The following GOLGA4 variants were observed in gnomAD, a reference collection of about 807,000 sequenced individuals.
GOLGA4 encodes the protein golgin A4, also known as golgin subfamily A member 4.
Under a neutral mutation model 265.9 loss-of-function variants are expected in GOLGA4, and 169 were observed. The observed-to-expected ratio is 0.64, with a 90% CI of 0.56 to 0.72. The LOEUF is 0.72. GOLGA4 is among the 30% of genes least tolerant of loss of function. GOLGA4 has a pLI of 0.00. For synonymous variants in GOLGA4, 923 were observed against 855.8 expected (o/e 1.08, Z -1.37); for missense variants, 2,482 against 2,483.4 (o/e 1.00, Z 0.01).
In GOLGA4 at chr3:37,324,079, T is replaced by C. The variant is rs2096962818; in HGVS notation, c.2193T>C (p.His731=). 2 of 1,614,046 alleles carry C rather than the reference T, an allele frequency of 1.2e-6. No homozygotes were observed. The highest frequency in any genetic ancestry group is 1.1e-5 in the South Asian group (1 of 91,080). ...LEAKMDEQKN[H]HQQQVDSIIK... Reference sequence around the variant, plus strand: ...CCAAGATGGATGAACAGAAAAATCATCACCAGCAGCAAGTTGACAGTATCA... The same window carrying C: ...CCAAGATGGATGAACAGAAAAATCACCACCAGCAGCAAGTTGACAGTATCA... Residue 731 remains histidine (H), a synonymous_variant, in exon 14 of 24, where the codon CAT becomes CAC. Coordinates refer to ENST00000361924, the MANE Select transcript of GOLGA4 (RefSeq NM_002078.5).
chr3:37,283,063 T>G lies in GOLGA4; in HGVS notation c.477+791T>G, dbSNP rs193143633. Among the ~76,000 whole-genome samples, 5 of 151,204 alleles carry G rather than the reference T, an allele frequency of 3.3e-5. No individual in the cohort carries two copies. The East Asian group carries it at 9.6e-4, about 29-fold the overall frequency. On this transcript the variant is annotated intron_variant, in intron 3 of 23. Transcript: ENST00000361924. ...TTTGCAAATCACCATTGTAGTTAAT[T>G]TTAATTAATGAATACTAAAGTTCAG... is the stretch of plus-strand genomic sequence containing the variant.
intron 1 of GOLGA4, chr3:37,244,102 CG>C (rs1477654228): frequency 3.2e-5 from 5 of 154,308 alleles, no homozygotes; most frequent in African/African-American, 1.2e-4. Context: ...TGACCCTCGA[CG>C]GAAGTCTCCT....
intron 10 of GOLGA4, among the ~76,000 whole-genome samples, chr3:37,314,642 A>AACACACACACACACACACAC (rs60890140): frequency 6.4e-4 from 89 of 139,042 alleles, no homozygotes; most frequent in African/African-American, 1.4e-3. Context: ...CTCCGTCTCA[A>AACACACACACACACACACAC]ACACACACAC....
chr3:37,292,110 A>G (rs1367643137), intron 5 of GOLGA4, among the ~76,000 whole-genome samples: 1 of 152,182 alleles, frequency 6.6e-6, no homozygotes, highest in African/African-American at 2.4e-5. Flanking sequence ...CTAGATGAGG[A>G]AATGAAAACT....
chr3:37,275,114 G>A (rs1030830807), intron 2 of GOLGA4, among the ~76,000 whole-genome samples: 3 of 149,982 alleles, frequency 2.0e-5, no homozygotes, highest in Non-Finnish European at 4.4e-5. Flanking sequence ...TACTCAGGAG[G>A]TTGAGGCAGG....
chr3:37,311,522 C>T (rs938289480), intron 10 of GOLGA4, among the ~76,000 whole-genome samples: 11 of 152,104 alleles, frequency 7.2e-5, no homozygotes, highest in African/African-American at 1.4e-4. Context: ...AGGTATGGAT[C>T]GTTGCTTAAA....
chr3:37,262,227 C>A (rs949456648), intron 2 of GOLGA4, among the ~76,000 whole-genome samples: 1 of 152,024 alleles, frequency 6.6e-6, no homozygotes, highest in Non-Finnish European at 1.5e-5. Flanking sequence ...GGAAATTGGC[C>A]GGGCGTGGTG....
intron 7 of GOLGA4, among the ~76,000 whole-genome samples, chr3:37,297,965 G>T (rs908871804): frequency 1.3e-5 from 2 of 151,966 alleles, no homozygotes; most frequent in Non-Finnish European, 2.9e-5. Context: ...GGAGGTGGAG[G>T]TTGCAGTGAG....
At chr3:37,259,167 C>G (rs948808768) in intron 2 of GOLGA4, among the ~76,000 whole-genome samples, 7 of 152,070 alleles carry the variant, frequency 4.6e-5, no homozygotes, top group South Asian at 4.1e-4. Flanking sequence ...TAGCTCTGTT[C>G]AGATTTTGCT....
At chr3:37,248,063 T>A (rs1226734010) in intron 1 of GOLGA4, among the ~76,000 whole-genome samples, 1 of 151,986 alleles carries the variant, frequency 6.6e-6, no homozygotes, top group Non-Finnish European at 1.5e-5. Flanking sequence ...ATTATGAGAG[T>A]GATAGCTCAT....
chr3:37,300,699 T>C (rs1025683601), intron 9 of GOLGA4, among the ~76,000 whole-genome samples: 7 of 152,148 alleles, frequency 4.6e-5, no homozygotes, highest in African/African-American at 1.7e-4. Context: ...TCCAAAAGTA[T>C]TTTAATATAT....
intron 2 of GOLGA4, chr3:37,273,735 A>G: frequency 3.4e-6 from 2 of 584,590 alleles, no homozygotes; most frequent in Non-Finnish European, 6.0e-6. Context: ...TATGGTAAAC[A>G]CAGGTTTGCT....
intron 22 of GOLGA4, among the ~76,000 whole-genome samples, chr3:37,357,639 G>A (rs1408932873): frequency 2.0e-5 from 3 of 152,090 alleles, no homozygotes; most frequent in Admixed American, 6.6e-5. Flanking sequence ...ATTGTTTCAC[G>A]AGTATAAGAA....
At chr3:37,276,459 C>T in intron 2 of GOLGA4, 1 of 1,610,860 alleles carries the variant, frequency 6.2e-7, no homozygotes, top group Non-Finnish European at 8.5e-7. Flanking sequence ...ACTGGTGGGA[C>T]CCAGACTGAC....
At chr3:37,270,039 G>C (rs2096794102) in intron 2 of GOLGA4, among the ~76,000 whole-genome samples, 1 of 151,448 alleles carries the variant, frequency 6.6e-6, no homozygotes, top group African/African-American at 2.4e-5. Flanking sequence ...TATTACAGGT[G>C]CTCGCCACCA....
intron 2 of GOLGA4, among the ~76,000 whole-genome samples, chr3:37,267,978 G>C (rs1156656311): frequency 1.3e-5 from 2 of 152,168 alleles, no homozygotes; most frequent in African/African-American, 4.8e-5. Context: ...GGGAAAAGTG[G>C]TCTCTCCTTG....
intron 22 of GOLGA4, among the ~76,000 whole-genome samples, chr3:37,359,926 A>G (rs1458177680): frequency 6.6e-6 from 1 of 152,064 alleles, no homozygotes; most frequent in Non-Finnish European, 1.5e-5. Flanking sequence ...TTTTCTTGAG[A>G]TTGGTTTTGA....
chr3:37,353,317 A>G (rs1185256906), intron 21 of GOLGA4, among the ~76,000 whole-genome samples: 4 of 152,226 alleles, frequency 2.6e-5, no homozygotes, highest in South Asian at 2.1e-4. Flanking sequence ...AAGAATTCCC[A>G]CACACCTTCA....
At chr3:37,300,998 T>G (rs1053614305) in intron 9 of GOLGA4, among the ~76,000 whole-genome samples, 1 of 152,240 alleles carries the variant, frequency 6.6e-6, no homozygotes. Context: ...CCCATGATTT[T>G]GTTTTGAGAT....
Sources: gnomAD v4.1 joint callset for allele counts (sites outside exome capture counted in the v4.1 genomes callset) on GRCh38, gnomAD v4.1.1 for gene constraint, MANE v1.5 for transcripts, NCBI Gene and HGNC (gene_info 2026-07-23, HGNC 2026-07-21) for gene names.